Variants in CAPN3 observed in about 807,000 individuals in gnomAD.
CAPN3 encodes the protein calpain 3, also known as calpain-3.
In CAPN3, 88 loss-of-function variants were observed where a neutral mutation model predicts 114.0. The observed-to-expected ratio is 0.77, with a 90% CI of 0.65 to 0.92. The LOEUF (loss-of-function observed/expected upper bound fraction) is 0.92, where lower values mean the gene tolerates loss of function less well. Among genes scored for constraint, CAPN3 ranks in the 40% least tolerant of loss-of-function variants. CAPN3 has a pLI of 0.00. For missense variants in CAPN3, 1,028 were observed against 1,069.0 expected (o/e 0.96, Z 0.53); for synonymous variants, 386 against 382.9 (o/e 1.01, Z -0.09).
Position 42,375,412 on chromosome 15 carries a change from G to A in CAPN3, c.310-9071G>A, listed in dbSNP as rs1048257415. On this transcript the variant is annotated intron_variant, in intron 1 of 23. Transcript: ENST00000397163. ...AGTTTGTGTCAGGCTACCTTATGGC[G>A]CAACCGAGAAGCCCCTTGTGTCAAC... Among the ~76,000 whole-genome samples the A allele has an allele frequency of 3.3e-5, 5 of 152,126 alleles. No individual in the cohort carries two copies. In the South Asian group the frequency reaches 6.3e-4, roughly 19 times the overall value.
chr15:42,410,922 A>C lies in CAPN3; in HGVS notation c.2302A>C (p.Met768Leu). 1 of 1,614,180 alleles carries C rather than the reference A, an allele frequency of 6.2e-7. No individual in the cohort carries two copies. Residue 768 changes from methionine to leucine, a missense_variant, in exon 22 of 24, where the codon ATG becomes CTG. Physicochemically the swap from Met to Leu is conservative, Grantham distance 15 (BLOSUM62 2). Coordinates refer to ENST00000397163, the MANE Select transcript of CAPN3 (RefSeq NM_000070.3). The part of the protein sequence containing the change: ...LNNQLYDIIT[M>L]RYADKHMNID... ...CAACCAGCTCTATGACATCATTACCATGCGGTACGCAGACAAACACATGAA... is the reference window on the plus strand; with the variant it reads ...CAACCAGCTCTATGACATCATTACCCTGCGGTACGCAGACAAACACATGAA...
At chr15:42,369,867 TTTC>T (rs1347901894) in intron 1 of CAPN3, among the ~76,000 whole-genome samples, 14 of 140,316 alleles carry the variant, frequency 1.0e-4, no homozygotes, top group African/African-American at 3.6e-4. Flanking sequence ...TCTTTCTTTC[TTTC>T]TTTTTTTTTT....
chr15:42,411,688 CGGGGGG>C lies in CAPN3; in HGVS notation c.2440-50_2440-45del. ...CTCTTGCCCCGTAAGATTCCTAGGG[CGGGGGG>C]GGGGGGGGTCACTCTTTTCTGATCT... On this transcript the variant is annotated intron_variant, in intron 23 of 23. Transcript: ENST00000397163. 2.4e-5 allele frequency: 11 copies of C among 455,346 alleles called. 1 individual carries two copies. Among genetic ancestry groups the C allele is most frequent in the East Asian group, 8.8e-5 (2 of 22,798 alleles). The allele number at this position is 455,346 out of a possible 1,614,324, so 28.2% of individuals were successfully genotyped here. A position where few individuals can be genotyped will look rare whatever the true frequency, so the allele number is the denominator to read the frequency against.
chr15:42,385,580 T>G, intron 2 of CAPN3: 1 of 484,872 alleles, frequency 2.1e-6, no homozygotes, highest in Non-Finnish European at 4.1e-6. Flanking sequence ...AAGTGTTACC[T>G]CCAACTACAT....
At chr15:42,366,522 C>G (rs956996147) in intron 1 of CAPN3, among the ~76,000 whole-genome samples, 1 of 152,184 alleles carries the variant, frequency 6.6e-6, no homozygotes, top group African/African-American at 2.4e-5. Context: ...GCCAAATGTG[C>G]TCACTTTCTG....
At chr15:42,361,257 A>G (rs1179157301) in intron 1 of CAPN3, among the ~76,000 whole-genome samples, 1 of 152,156 alleles carries the variant, frequency 6.6e-6, no homozygotes, top group Non-Finnish European at 1.5e-5. Flanking sequence ...CTTGAGCCCA[A>G]GAGTTAGAGA....
At chr15:42,360,842 T>C (rs2052623943) in intron 1 of CAPN3, among the ~76,000 whole-genome samples, 1 of 152,182 alleles carries the variant, frequency 6.6e-6, no homozygotes, top group Non-Finnish European at 1.5e-5. Context: ...GAAATCACAT[T>C]CCCCTGGCTC....
At chr15:42,394,902 C>T (rs2053649006) in intron 8 of CAPN3, among the ~76,000 whole-genome samples, 1 of 152,134 alleles carries the variant, frequency 6.6e-6, no homozygotes, top group Non-Finnish European at 1.5e-5. Context: ...ATGAAGGCTC[C>T]AGCACATTTG....
intron 1 of CAPN3, among the ~76,000 whole-genome samples, chr15:42,382,442 C>T (rs940841618): frequency 7.2e-5 from 11 of 152,142 alleles, no homozygotes; most frequent in Non-Finnish European, 4.4e-5. Flanking sequence ...AATCTTGGCT[C>T]ACGGCAATCT....
chr15:42,370,278 C>CCT (rs2052909986), intron 1 of CAPN3, among the ~76,000 whole-genome samples: 2 of 152,166 alleles, frequency 1.3e-5, no homozygotes, highest in Admixed American at 1.3e-4. Context: ...AATACTGACT[C>CCT]CTGTGTATCT....
At chr15:42,376,679 T>C (rs2053097545) in intron 1 of CAPN3, among the ~76,000 whole-genome samples, 1 of 152,158 alleles carries the variant, frequency 6.6e-6, no homozygotes, top group Admixed American at 6.5e-5. Flanking sequence ...GAAAAAGGTA[T>C]TAGATATCAA....
At position 42,402,370 on chromosome 15, in the gene CAPN3, C is replaced by T. The variant is rs28364492; in HGVS notation, c.1536+235C>T. ...CTCGCACCAGACACTGCACGTCACACACATGCCTTTGCACACTCACCCTCC... is the reference window on the plus strand; with the variant it reads ...CTCGCACCAGACACTGCACGTCACATACATGCCTTTGCACACTCACCCTCC... On this transcript the variant is annotated intron_variant, in intron 12 of 23. Transcript: ENST00000397163. 0.023 allele frequency: 33,179 copies of T among 1,461,684 alleles called. 458 individuals carry two copies. Among genetic ancestry groups the T allele is most frequent in the Middle Eastern group, 0.056 (224 of 3,974 alleles). 90.5% of individuals were successfully genotyped at this position (1,461,684 alleles called of 1,614,324 possible). A position where few individuals can be genotyped will look rare whatever the true frequency, so the allele number is the denominator to read the frequency against.
chr15:42,385,950 C>G lies in CAPN3; in HGVS notation c.380-217C>G. On this transcript the variant is annotated intron_variant, in intron 2 of 23. Coordinates refer to ENST00000397163, the MANE Select transcript of CAPN3 (RefSeq NM_000070.3). ...CAGCCTTGAGGAAAATGTCTAGTCACAAGGGAGTAAGTTACCTGTTGATCA... is the reference window on the plus strand; with the variant it reads ...CAGCCTTGAGGAAAATGTCTAGTCAGAAGGGAGTAAGTTACCTGTTGATCA... 4 of 722,006 alleles carry G rather than the reference C, an allele frequency of 5.5e-6. No homozygotes were observed. In the South Asian group the frequency reaches 5.6e-5, roughly 10 times the overall value. 44.7% of individuals were successfully genotyped at this position (722,006 alleles called of 1,614,324 possible). A position where few individuals can be genotyped will look rare whatever the true frequency, so the allele number is the denominator to read the frequency against.
chr15:42,403,053 A>G (rs2053920237), intron 13 of CAPN3, 51 bp downstream of exon 13: 2 of 1,504,266 alleles, frequency 1.3e-6, no homozygotes, highest in Non-Finnish European at 1.8e-6. Context: ...CACATGGCCC[A>G]CTCCAGAGGT....
intron 22 of CAPN3, 68 bp downstream of exon 22, chr15:42,411,068 T>A: frequency 2.4e-6 from 3 of 1,272,956 alleles, no homozygotes; most frequent in Non-Finnish European, 3.5e-6. Flanking sequence ...GCATCTCACC[T>A]GATAATCTCC....
rs1425011178 is a variant in CAPN3, at chr15:42,411,352, C to G, written c.2439+7C>G. The G allele has an allele frequency of 6.2e-7, 1 of 1,613,178 alleles. No individual in the cohort carries two copies. The highest frequency in any genetic ancestry group is 1.1e-5 in the South Asian group (1 of 91,056). On this transcript the variant is annotated splice_region_variant and intron_variant, in intron 23 of 23. Coordinates refer to ENST00000397163, the MANE Select transcript of CAPN3 (RefSeq NM_000070.3). ...CAAGCTCAACGTTCTGGAGGTAAAGCATAGGCACAGCACATTCCCCCTACA... is the reference window on the plus strand; with the variant it reads ...CAAGCTCAACGTTCTGGAGGTAAAGGATAGGCACAGCACATTCCCCCTACA...
In CAPN3 at chr15:42,403,793, C is replaced by G; in HGVS notation, c.1782+16C>G. The G allele has an allele frequency of 1.2e-6, 2 of 1,613,296 alleles. No homozygotes were observed. Among genetic ancestry groups the G allele is most frequent in the Non-Finnish European group, 1.7e-6 (2 of 1,179,276 alleles). On this transcript the variant is annotated intron_variant, in intron 14 of 23. Transcript: ENST00000397163. The stretch of plus-strand genomic sequence containing the variant: ...TCGGCCAGTGGTGAGTGGTTTAGAT[C>G]TTCTGTGCGAAAAGTCCAGAGGGTC...
Position 42,401,663 on chromosome 15 carries a change from G to A in CAPN3, c.1377G>A (p.Gln459=), listed in dbSNP as rs1555422101. 1 of 1,614,166 alleles carries A rather than the reference G, an allele frequency of 6.2e-7. No homozygotes were observed. ...CAGATACTTTCTGGACCAACCCTCAGTACCGTCTGAAGCTCCTGGAGGAGG... is the reference window on the plus strand; with the variant it reads ...CAGATACTTTCTGGACCAACCCTCAATACCGTCTGAAGCTCCTGGAGGAGG... ...NFPDTFWTNP[Q]YRLKLLEEDD... is the part of the protein sequence containing the mutation. Residue 459 remains glutamine, a synonymous_variant, in exon 11 of 24, where the codon CAG becomes CAA. Transcript: ENST00000397163.
chr15:42,399,682 C>T, intron 10 of CAPN3, 30 bp downstream of exon 10: 3 of 1,561,724 alleles, frequency 1.9e-6, no homozygotes. Context: ...GGGGGAGGGT[C>T]TAAGCCGAAA....
Sources: gnomAD v4.1 joint callset for allele counts (sites outside exome capture counted in the v4.1 genomes callset) on GRCh38, gnomAD v4.1.1 for gene constraint, MANE v1.5 for transcripts, NCBI Gene and HGNC (gene_info 2026-07-23, HGNC 2026-07-21) for gene names.